Variants in TPD52 observed in about 807,000 individuals in gnomAD.
TPD52 encodes prostate and colon associated protein.
In TPD52, 17 loss-of-function variants were observed where a neutral mutation model predicts 31.3. That is an observed-to-expected ratio of 0.54 (90% CI 0.37 to 0.82). TPD52 has a LOEUF of 0.82. Among genes scored for constraint, TPD52 ranks in the 40% least tolerant of loss-of-function variants. The pLI is 0.00. For missense variants in TPD52, 212 were observed against 240.1 expected, an observed-to-expected ratio of 0.88 and a Z score of 0.77; for synonymous variants, 83 against 89.6, an observed-to-expected ratio of 0.93 and a Z score of 0.42.
intron 1 of TPD52, among the ~76,000 whole-genome samples, chr8:80,093,119 A>G (rs1816416276): frequency 6.6e-6 from 1 of 152,202 alleles, no homozygotes; most frequent in African/African-American, 2.4e-5. Context: ...CGGCTGTGTC[A>G]CAACAGGGTG....
chr8:80,132,939 C>CA (rs1203987053), intron 1 of TPD52, among the ~76,000 whole-genome samples: 1 of 152,124 alleles, frequency 6.6e-6, no homozygotes, highest in East Asian at 1.9e-4. Flanking sequence ...ACTAAGGGGT[C>CA]CCCATGCCAC....
intron 6 of TPD52, 130 bp downstream of exon 6, chr8:80,044,037 T>TA (rs1316404789): frequency 8.5e-6 from 6 of 708,816 alleles, no homozygotes; most frequent in Non-Finnish European, 1.4e-5. Flanking sequence ...TGAAAACTGA[T>TA]AGAGTGTTAA....
In TPD52 at chr8:80,038,183, T is replaced by A. The variant is rs1375298567; in HGVS notation, c.557A>T (p.Asn186Ile). ...PAGGDFGEVL[N>I]SAANASATTT... ...GGTGGCACTAGCATTTGCAGCCGAATTCAAGACTTCTCCAAAATCACCACC... is the reference window on the plus strand; with the variant it reads ...GGTGGCACTAGCATTTGCAGCCGAAATCAAGACTTCTCCAAAATCACCACC... Residue 186 changes from asparagine (N) to isoleucine (I), a missense_variant, in exon 8 of 8, where the codon AAT (asparagine) becomes ATT (isoleucine). By Grantham distance (149) the Asn-to-Ile change is moderately radical. Transcript: ENST00000518937. The A allele has an allele frequency of 6.2e-7, 1 of 1,614,104 alleles. No homozygotes were observed. Among genetic ancestry groups the A allele is most frequent in the Non-Finnish European group, 8.5e-7 (1 of 1,179,992 alleles).
chr8:80,067,111 T>C (rs1351611067), intron 1 of TPD52: 2 of 152,204 alleles, frequency 1.3e-5, no homozygotes, highest in Non-Finnish European at 2.9e-5. Flanking sequence ...GCTTTATGTA[T>C]ACTGCCCAAT....
chr8:80,031,742 G>A (rs1049577115), downstream of TPD52, among the ~76,000 whole-genome samples: 2 of 152,024 alleles, frequency 1.3e-5, no homozygotes, highest in East Asian at 1.9e-4. Context: ...CTGTAGTCCC[G>A]GCTACTTGGG....
intron 1 of TPD52, among the ~76,000 whole-genome samples, chr8:80,106,573 G>C (rs1428874251): frequency 1.3e-5 from 2 of 151,836 alleles, no homozygotes; most frequent in East Asian, 3.9e-4. Flanking sequence ...AGCCAGGATG[G>C]TCTTGATCTC....
At chr8:80,091,338 G>A (rs748023280) in intron 1 of TPD52, among the ~76,000 whole-genome samples, 7 of 151,998 alleles carry the variant, frequency 4.6e-5, no homozygotes, top group Non-Finnish European at 8.8e-5. Flanking sequence ...GCGTGGTGGC[G>A]GGCACCTGTA....
chr8:80,055,497 T>C (rs1811782480), intron 2 of TPD52, among the ~76,000 whole-genome samples: 1 of 152,042 alleles, frequency 6.6e-6, no homozygotes. Flanking sequence ...AGGGCATTGG[T>C]CTAGACAAAG....
At chr8:80,139,698 A>G (rs1809691211) in intron 1 of TPD52, among the ~76,000 whole-genome samples, 1 of 152,302 alleles carries the variant, frequency 6.6e-6, no homozygotes, top group African/African-American at 2.4e-5. Context: ...CTTGAACACT[A>G]TAGCTAACAA....
chr8:80,085,443 T>C (rs1466285587), intron 1 of TPD52, among the ~76,000 whole-genome samples: 1 of 152,172 alleles, frequency 6.6e-6, no homozygotes, highest in Non-Finnish European at 1.5e-5. Flanking sequence ...ATTTAAAAGC[T>C]ATGAAACACA....
chr8:80,053,460 T>A, intron 2 of TPD52, 30 bp from the exon 3 acceptor site: 2 of 1,601,688 alleles, frequency 1.2e-6, no homozygotes, highest in Non-Finnish European at 1.7e-6. Context: ...GGTAAGAATA[T>A]AGCAAAAGTC....
At chr8:80,086,338 C>T (rs988393215) in intron 1 of TPD52, among the ~76,000 whole-genome samples, 15 of 151,346 alleles carry the variant, frequency 9.9e-5, no homozygotes, top group African/African-American at 2.2e-4. Context: ...AGGATGGTCT[C>T]GATCTCCTGA....
chr8:80,150,092 C>T (rs1336103071), intron 1 of TPD52, among the ~76,000 whole-genome samples: 2 of 152,204 alleles, frequency 1.3e-5, no homozygotes, highest in African/African-American at 4.8e-5. Flanking sequence ...GGCCCTCCTG[C>T]TGTGTGCAGC....
intron 1 of TPD52, among the ~76,000 whole-genome samples, chr8:80,125,991 T>C (rs1346331761): frequency 6.6e-6 from 1 of 152,166 alleles, no homozygotes; most frequent in Non-Finnish European, 1.5e-5. Flanking sequence ...GCAAGGGGTG[T>C]ATGTTCACTC....
chr8:80,165,152 A>G (rs1351271868), intron 1 of TPD52, among the ~76,000 whole-genome samples: 1 of 152,170 alleles, frequency 6.6e-6, no homozygotes, highest in Non-Finnish European at 1.5e-5. Context: ...TATATATAGT[A>G]AGACTTATAC....
At chr8:80,133,737 A>G (rs1809189950) in intron 1 of TPD52, among the ~76,000 whole-genome samples, 1 of 151,416 alleles carries the variant, frequency 6.6e-6, no homozygotes, top group African/African-American at 2.4e-5. Flanking sequence ...CAAGTTCAAG[A>G]GTCCAGGAAC....
rs138848388 is a variant in TPD52, at chr8:80,138,741, G to A, written c.19+32684C>T. On this transcript the variant is annotated intron_variant, in intron 1 of 7. Transcript: ENST00000518937. ...GGTTCCTAATTGAGCTCTTCACCTCGCTATTTAAGGACACTGGCTCTCTGA... is the reference window on the plus strand; with the variant it reads ...GGTTCCTAATTGAGCTCTTCACCTCACTATTTAAGGACACTGGCTCTCTGA... Among the ~76,000 whole-genome samples the A allele has an allele frequency of 6.6e-5, 10 of 152,134 alleles. No homozygotes were observed. In the East Asian group the frequency reaches 1.5e-3, roughly 24 times the overall value.
At chr8:80,124,166 CTTT>C (rs1230288422) in intron 1 of TPD52, among the ~76,000 whole-genome samples, 2 of 93,828 alleles carry the variant, frequency 2.1e-5, no homozygotes, top group African/African-American at 7.2e-5. Context: ...CTCTCTCTCT[CTTT>C]TTGTTTTTTT....
intron 3 of TPD52, among the ~76,000 whole-genome samples, chr8:80,052,198 A>G (rs1811448890): frequency 6.6e-6 from 1 of 152,234 alleles, no homozygotes; most frequent in Non-Finnish European, 1.5e-5. Context: ...AGTATGTAAA[A>G]TATGCAATGC....
Sources: gnomAD v4.1 joint callset for allele counts (sites outside exome capture counted in the v4.1 genomes callset) on GRCh38, gnomAD v4.1.1 for gene constraint, MANE v1.5 for transcripts, NCBI Gene and HGNC (gene_info 2026-07-23, HGNC 2026-07-21) for gene names.